Variants in SCN2A observed in about 807,000 individuals in gnomAD.
The protein encoded by SCN2A is sodium channel protein type 2 subunit alpha.
A neutral mutation model predicts 188.7 loss-of-function variants in SCN2A; 20 were observed. That is an observed-to-expected ratio of 0.11 (90% confidence interval 0.07 to 0.15). The LOEUF (loss-of-function observed/expected upper bound fraction) is 0.15. Among genes scored for constraint, SCN2A ranks in the 10% least tolerant of loss-of-function variants. The probability of loss-of-function intolerance (pLI) is 1.00; values close to 1 mark genes in which losing one functional copy is unlikely to be tolerated. For missense variants in SCN2A, 1,278 were observed against 2,445.0 expected, an observed-to-expected ratio of 0.52 and a Z score of 10.07; for synonymous variants, 804 against 833.1, an observed-to-expected ratio of 0.97 and a Z score of 0.60.
intron 3 of SCN2A, among the ~76,000 whole-genome samples, chr2:165,305,221 A>C (rs1267114482): frequency 6.6e-6 from 1 of 152,226 alleles, no homozygotes; most frequent in Non-Finnish European, 1.5e-5. Context: ...TATAAGACAC[A>C]GAGACGTCAA....
rs1369165812 is a variant in SCN2A at position 165,323,372 on chromosome 2, C to T, written c.1888C>T (p.Arg630Cys). The T allele has an allele frequency of 1.9e-6, 3 of 1,614,104 alleles. No homozygotes were observed. Among genetic ancestry groups the T allele is most frequent in the Non-Finnish European group, 2.5e-6 (3 of 1,180,010 alleles). ...RRHSNVSQAS[R>C]ASRVLPILPM... Reference sequence around the variant, plus strand: ...CCACAGCAATGTCAGCCAGGCCAGCCGTGCCTCCAGGGTGCTCCCCATCCT... The same window carrying T: ...CCACAGCAATGTCAGCCAGGCCAGCTGTGCCTCCAGGGTGCTCCCCATCCT... Residue 630 changes from arginine to cysteine, a missense_variant, in exon 12 of 27, where the codon CGT (arginine) becomes TGT (cysteine). Around this residue, in one of 17 missense-constraint regions of SCN2A, gnomAD observed 315 missense variants for 386.6 expected, o/e 0.81. Transcript: ENST00000375437.
At chr2:165,340,472 CTG>C (rs1300949858) in intron 14 of SCN2A, among the ~76,000 whole-genome samples, 4 of 152,186 alleles carry the variant, frequency 2.6e-5, no homozygotes, top group East Asian at 3.9e-4. Flanking sequence ...AGAAGCAAAA[CTG>C]TGGAGAAAAA....
chr2:165,310,237 T>G (rs1205969440), intron 6 of SCN2A, 86 bp from the exon 7 acceptor site: 4 of 1,400,360 alleles, frequency 2.9e-6, no homozygotes, highest in Non-Finnish European at 4.1e-6. Context: ...ACATTTTTAT[T>G]TTCCAGGACA....
chr2:165,267,783 G>A (rs1694936804), intron 1 of SCN2A: 1 of 151,696 alleles, frequency 6.6e-6, no homozygotes, highest in African/African-American at 2.4e-5. Flanking sequence ...TACAAAATGG[G>A]CAAAGGACCT....
intron 22 of SCN2A, among the ~76,000 whole-genome samples, 197 bp from the exon 23 acceptor site, chr2:165,377,400 G>A (rs1205797319): frequency 6.6e-6 from 1 of 152,006 alleles, no homozygotes; most frequent in African/African-American, 2.4e-5. Flanking sequence ...ATCCACATAA[G>A]ATGTTATAGA....
intron 1 of SCN2A, among the ~76,000 whole-genome samples, chr2:165,281,091 T>C (rs1314765068): frequency 4.6e-5 from 7 of 152,178 alleles, no homozygotes; most frequent in Non-Finnish European, 5.9e-5. Flanking sequence ...CAAGGTGGCA[T>C]GTGCCTCTAG....
At chr2:165,329,531 T>G (rs2105289995) in intron 13 of SCN2A, among the ~76,000 whole-genome samples, 1 of 152,292 alleles carries the variant, frequency 6.6e-6, no homozygotes, top group South Asian at 2.1e-4. Context: ...CTTAAACAAC[T>G]TTGCTCCGGT....
chr2:165,295,509 C>G (rs1037595751), intron 1 of SCN2A, among the ~76,000 whole-genome samples: 2 of 152,160 alleles, frequency 1.3e-5, no homozygotes, highest in Non-Finnish European at 2.9e-5. Context: ...GCATATTTTC[C>G]CACAAGTAGC....
intron 16 of SCN2A, 34 bp from the exon 17 acceptor site, chr2:165,354,158 G>A (rs1381430200): frequency 1.2e-6 from 2 of 1,612,452 alleles, no homozygotes; most frequent in Non-Finnish European, 1.7e-6. Context: ...GCAATAGAAT[G>A]TTTTGATCAC....
chr2:165,365,333 A>T lies in SCN2A; in HGVS notation c.3520+70A>T, dbSNP rs191902468. On this transcript the variant is annotated intron_variant, in intron 18 of 26. Coordinates refer to ENST00000375437, the MANE Select transcript of SCN2A (RefSeq NM_001040142.2). ...TACCCATTTTTTCCTATTTATTTAA[A>T]TGTCTGTTTATTTGTCTACCATCTA... 68 of 1,559,054 alleles carry T rather than the reference A, an allele frequency of 4.4e-5. 1 individual carries two copies. In the Middle Eastern group the frequency reaches 6.8e-4, roughly 15 times the overall value.
intron 1 of SCN2A, among the ~76,000 whole-genome samples, chr2:165,282,712 A>T (rs958598452): frequency 4.6e-5 from 7 of 152,172 alleles, no homozygotes; most frequent in South Asian, 2.1e-4. Flanking sequence ...CACTACTCGC[A>T]GCTGGGGCCT....
In SCN2A at chr2:165,386,789, T is replaced by C; in HGVS notation, c.4595T>C (p.Val1532Ala). The C allele has an allele frequency of 6.2e-7, 1 of 1,613,786 alleles. No homozygotes were observed. Among genetic ancestry groups the C allele is most frequent in the Non-Finnish European group, 8.5e-7 (1 of 1,179,846 alleles). The stretch of plus-strand genomic sequence containing the variant: ...GTCTTTGATTTTGTAACCAAACAAG[T>C]CTTTGATATCAGCATCATGATCCTC... ...GMVFDFVTKQ[V>A]FDISIMILIC... The change falls in exon 26 of 27, where the codon GTC becomes GCC. Residue 1532 changes from valine (V) to alanine (A), a missense_variant. Transcript: ENST00000375437.
chr2:165,377,641 T>C lies in SCN2A; in HGVS notation c.4299T>C (p.Asp1433=), dbSNP rs1384577551. The change falls in exon 23 of 27, where the codon GAT becomes GAC. Residue 1433 remains aspartate (D), a synonymous_variant. Transcript: ENST00000375437. ...TGGATATTATGTATGCAGCTGTTGATTCACGAAATGTAAGTCTAGTTAGAG... is the reference window on the plus strand; with the variant it reads ...TGGATATTATGTATGCAGCTGTTGACTCACGAAATGTAAGTCTAGTTAGAG... ...GWMDIMYAAV[D]SRNVELQPKY... The C allele has an allele frequency of 2.5e-6, 4 of 1,606,280 alleles. No homozygotes were observed. The highest frequency in any genetic ancestry group is 2.2e-5 in the East Asian group (1 of 44,580).
chr2:165,278,741 G>T (rs1695455821), intron 1 of SCN2A, among the ~76,000 whole-genome samples: 2 of 152,202 alleles, frequency 1.3e-5, no homozygotes, highest in South Asian at 4.1e-4. Flanking sequence ...GACCAGCGCT[G>T]GCAACATAGT....
chr2:165,258,586 T>C (rs1384363537), intron 1 of SCN2A, among the ~76,000 whole-genome samples: 1 of 152,240 alleles, frequency 6.6e-6, no homozygotes, highest in East Asian at 1.9e-4. Context: ...TAATTGGGTA[T>C]GTGCCCAAAG....
chr2:165,349,528 T>C (rs985536284), intron 16 of SCN2A, among the ~76,000 whole-genome samples: 1 of 151,658 alleles, frequency 6.6e-6, no homozygotes, highest in Admixed American at 6.6e-5. Flanking sequence ...AAAATTGAAG[T>C]TGAAAAGAGA....
At chr2:165,294,010 TAAAA>T (rs67417831) in intron 1 of SCN2A, 1,967 of 150,560 alleles carry the variant, frequency 0.013, no homozygotes, top group Non-Finnish European at 0.014. Context: ...GAAGGAGAAT[TAAAA>T]AAAAAAAAAA....
At chr2:165,295,660 T>C (rs1451346731) in intron 1 of SCN2A, 113 bp from the exon 2 acceptor site, 20 of 966,270 alleles carry the variant, frequency 2.1e-5, no homozygotes, top group South Asian at 1.6e-5. Flanking sequence ...TCTTTGAAAA[T>C]ATTATAGCTA....
intron 3 of SCN2A, among the ~76,000 whole-genome samples, chr2:165,303,939 T>TCA (rs1218774972): frequency 6.6e-6 from 1 of 152,146 alleles, no homozygotes; most frequent in Non-Finnish European, 1.5e-5. Context: ...TTTTACTTTT[T>TCA]TATATATAAC....
Sources: gnomAD v4.1 joint callset for allele counts (sites outside exome capture counted in the v4.1 genomes callset) on GRCh38, gnomAD v4.1.1 for gene constraint, gnomAD v4.1.1 regional missense constraint, MANE v1.5 for transcripts, NCBI Gene and HGNC (gene_info 2026-07-23, HGNC 2026-07-21) for gene names.